Variants in PCDH9 observed in about 807,000 individuals in gnomAD.
The protein encoded by PCDH9 is protocadherin 9, also known as protocadherin-9.
A neutral mutation model predicts 70.6 loss-of-function variants in PCDH9; 24 were observed. That is an observed-to-expected ratio of 0.34 (90% CI 0.25 to 0.48). The LOEUF is 0.48. PCDH9 is among the 20% of genes least tolerant of loss of function. The pLI is 0.99. For missense variants in PCDH9, 1,281 were observed against 1,503.6 expected (o/e 0.85, Z 2.45); for synonymous variants, 562 against 558.5 (o/e 1.01, Z -0.09).
intron 2 of PCDH9, among the ~76,000 whole-genome samples, chr13:66,952,852 G>A (rs187888579): frequency 6.6e-5 from 10 of 152,204 alleles, no homozygotes; most frequent in Non-Finnish European, 8.8e-5. Context: ...TACCGGGACC[G>A]ATACTGTACC....
rs2138046246 is a variant in PCDH9, at chr13:66,303,542, AAC to A, written c.*1111_*1112del. The A allele has an allele frequency of 6.6e-6, 1 of 152,622 alleles. No homozygotes were observed. The highest frequency in any genetic ancestry group is 2.4e-5 in the African/African-American group (1 of 41,550). The allele number at this position is 152,622 out of a possible 1,614,324, so 9.5% of individuals were successfully genotyped here. On this transcript the variant is annotated 3_prime_UTR_variant, in exon 5 of 5. Coordinates refer to ENST00000377865, the MANE Select transcript of PCDH9 (RefSeq NM_203487.3). ...AACAACATTATTGTATATGAGGATC[AAC>A]ACAGACTCTGCCATTTCAACAAAGT... is the stretch of plus-strand genomic sequence containing the variant.
chr13:67,222,954 T>G (rs2089765185), intron 2 of PCDH9: 1 of 152,148 alleles, frequency 6.6e-6, no homozygotes, highest in Non-Finnish European at 1.5e-5. Flanking sequence ...ACTTTGTATA[T>G]CACTACCACT....
At chr13:67,071,190 T>A (rs930311189) in intron 2 of PCDH9, among the ~76,000 whole-genome samples, 1 of 152,174 alleles carries the variant, frequency 6.6e-6, no homozygotes, top group Non-Finnish European at 1.5e-5. Context: ...TAATCAAATG[T>A]AATAGTTTAG....
intron 4 of PCDH9, among the ~76,000 whole-genome samples, chr13:66,498,731 A>G (rs911927514): frequency 6.6e-6 from 1 of 152,104 alleles, no homozygotes; most frequent in Admixed American, 6.6e-5. Context: ...TTTTTTTTTA[A>G]TGTACTGTTG....
intron 4 of PCDH9, among the ~76,000 whole-genome samples, chr13:66,617,796 C>A (rs1236768922): frequency 6.6e-6 from 1 of 152,156 alleles, no homozygotes; most frequent in Non-Finnish European, 1.5e-5. Flanking sequence ...GCAATTGGAG[C>A]CTCTGATGAT....
chr13:67,059,667 G>A (rs543658754), intron 2 of PCDH9, among the ~76,000 whole-genome samples: 19 of 151,380 alleles, frequency 1.3e-4, no homozygotes, highest in African/African-American at 4.1e-4. Flanking sequence ...CTAATCATAT[G>A]GGGTAACACA....
chr13:66,652,819 C>A (rs990125758), intron 3 of PCDH9, among the ~76,000 whole-genome samples: 3 of 151,854 alleles, frequency 2.0e-5, no homozygotes, highest in African/African-American at 7.3e-5. Flanking sequence ...AATGGAGAAA[C>A]AAAATAGAGA....
intron 3 of PCDH9, among the ~76,000 whole-genome samples, chr13:66,796,901 T>G (rs965092777): frequency 6.6e-6 from 1 of 152,030 alleles, no homozygotes; most frequent in East Asian, 1.9e-4. Flanking sequence ...GAAGTAAATT[T>G]TGATTTCTGT....
chr13:66,910,388 T>C (rs565185081), intron 2 of PCDH9, among the ~76,000 whole-genome samples: 1 of 152,206 alleles, frequency 6.6e-6, no homozygotes, highest in Non-Finnish European at 1.5e-5. Flanking sequence ...GATATATTTC[T>C]TATTGTGCAC....
At chr13:66,502,379 T>C (rs1304528186) in intron 4 of PCDH9, among the ~76,000 whole-genome samples, 1 of 152,158 alleles carries the variant, frequency 6.6e-6, no homozygotes, top group Non-Finnish European at 1.5e-5. Context: ...CTGTTCCATA[T>C]AATAGACTAC....
At chr13:66,985,597 C>T (rs972201) in intron 2 of PCDH9, 135,075 of 152,094 alleles carry the variant, frequency 0.89, 61,647 homozygotes, top group East Asian at 1. Flanking sequence ...TTGGTTTCTG[C>T]CAGGCATCAG....
rs548044879 is a variant in PCDH9, at chr13:66,902,881, A to G, written c.3138+623T>C. Among the ~76,000 whole-genome samples the G allele has an allele frequency of 1.9e-4, 29 of 151,922 alleles. No individual in the cohort carries two copies. In the South Asian group the frequency reaches 5.6e-3, roughly 29 times the overall value. The stretch of plus-strand genomic sequence containing the variant: ...GCCATACTGGAATAATTGGCACTGG[A>G]AAAACCCTTCCAACATAAAAGAATA... On this transcript the variant is annotated intron_variant, in intron 3 of 4. Coordinates refer to ENST00000377865, the MANE Select transcript of PCDH9 (RefSeq NM_203487.3).
intron 3 of PCDH9, among the ~76,000 whole-genome samples, chr13:66,673,518 T>G (rs2078205152): frequency 6.6e-6 from 1 of 150,992 alleles, no homozygotes. Flanking sequence ...ATGATATGAG[T>G]GCACAGAAAG....
At chr13:66,956,559 C>T (rs891167973) in intron 2 of PCDH9, among the ~76,000 whole-genome samples, 8 of 152,044 alleles carry the variant, frequency 5.3e-5, no homozygotes, top group African/African-American at 1.9e-4. Context: ...TGAGACCAGC[C>T]TGGCAACATG....
At chr13:67,034,428 T>C (rs1486950083) in intron 2 of PCDH9, among the ~76,000 whole-genome samples, 1 of 152,252 alleles carries the variant, frequency 6.6e-6, no homozygotes, top group Middle Eastern at 3.2e-3. Context: ...TGATCATGCC[T>C]ACGCCATTCA....
intron 2 of PCDH9, chr13:67,206,202 G>A (rs982080149): frequency 6.6e-6 from 1 of 152,202 alleles, no homozygotes; most frequent in Non-Finnish European, 1.5e-5. Context: ...GTCTCACTCT[G>A]TTGCCCAGGC....
chr13:66,921,073 C>A (rs1234553888), intron 2 of PCDH9, among the ~76,000 whole-genome samples: 2 of 150,988 alleles, frequency 1.3e-5, no homozygotes, highest in African/African-American at 2.4e-5. Context: ...GCATAAAGAT[C>A]CTAAAATATA....
intron 2 of PCDH9, among the ~76,000 whole-genome samples, chr13:67,182,207 A>G (rs2088634676): frequency 6.6e-6 from 1 of 152,244 alleles, no homozygotes; most frequent in Non-Finnish European, 1.5e-5. Context: ...GATGCCTAGT[A>G]GACATTTTAA....
chr13:67,217,215 A>G (rs1014307781), intron 2 of PCDH9: 3 of 151,734 alleles, frequency 2.0e-5, no homozygotes, highest in Non-Finnish European at 4.4e-5. Context: ...ATACAGCTTC[A>G]TTTCATAACT....
Sources: allele counts gnomAD v4.1 joint callset (sites outside exome capture counted in the v4.1 genomes callset), GRCh38; gene constraint gnomAD v4.1.1; transcripts MANE v1.5; gene names NCBI Gene and HGNC (gene_info 2026-07-23, HGNC 2026-07-21).